The following GLB1L2 variants were observed in gnomAD, a reference collection of about 807,000 sequenced individuals.
The protein encoded by GLB1L2 is galactosidase beta 1 like 2, also known as beta-galactosidase-1-like protein 2.
GLB1L2 carries 68 observed loss-of-function variants against 84.1 expected under a neutral mutation model. That is an observed-to-expected ratio of 0.81 (90% CI 0.67 to 0.99). The LOEUF (loss-of-function observed/expected upper bound fraction) is 0.99, where lower values mean the gene tolerates loss of function less well. Ranked by LOEUF, GLB1L2 falls within the 50% of genes least tolerant of loss-of-function variation. The probability of loss-of-function intolerance (pLI) is 0.00; values close to 1 mark genes in which losing one functional copy is unlikely to be tolerated. For missense variants in GLB1L2, 762 were observed against 805.6 expected (o/e 0.95, Z 0.66); for synonymous variants, 290 against 318.0 (o/e 0.91, Z 0.94).
chr11:134,371,081 A>G lies in GLB1L2; in HGVS notation c.1289A>G (p.Tyr430Cys). 1 of 1,614,194 alleles carries G rather than the reference A, an allele frequency of 6.2e-7. No homozygotes were observed. The highest frequency in any genetic ancestry group is 1.1e-5 in the South Asian group (1 of 91,080). ...VNGGNGQSFG[Y>C]ILYETSITSS... is the part of the protein sequence containing the mutation. ...GGGGGAAATGGACAGTCCTTCGGGTACATTCTCTATGAGACCAGCATCACC... is the reference window on the plus strand; with the variant it reads ...GGGGGAAATGGACAGTCCTTCGGGTGCATTCTCTATGAGACCAGCATCACC... The change falls in exon 13 of 19, where the codon TAC becomes TGC. Residue 430 changes from tyrosine to cysteine, a missense_variant. Tyr to Cys is a radical substitution (Grantham distance 194). Transcript: ENST00000535456.
chr11:134,373,754 C>T lies in GLB1L2; in HGVS notation c.1541C>T (p.Pro514Leu). ...GGAAATCTCTATCTGAATGATTCAC[C>T]CCTGAAAAACTTCAGAATCTATAGC... ...LIGNLYLNDS[P>L]LKNFRIYSLD... Residue 514 changes from proline to leucine, a missense_variant, in exon 16 of 19, where the codon CCC becomes CTC. Physicochemically the swap from Pro to Leu is moderately conservative, Grantham distance 98 (BLOSUM62 -3). Around this residue, in one of 3 missense-constraint regions of GLB1L2, gnomAD observed 603 missense variants for 611.7 expected, o/e 0.99. Transcript: ENST00000535456. The T allele has an allele frequency of 1.2e-6, 2 of 1,613,108 alleles. No individual in the cohort carries two copies. Among genetic ancestry groups the T allele is most frequent in the Non-Finnish European group, 1.7e-6 (2 of 1,179,162 alleles).
Position 134,370,520 on chromosome 11 carries a change from G to C in GLB1L2, c.1215+121G>C, listed in dbSNP as rs1943937726. Reference sequence around the variant, plus strand: ...AGAGTCGTCGGGGCAGCAGGGCCTGGAGCCCCTCCAGACAGGGAGTGTGGG... The same window carrying C: ...AGAGTCGTCGGGGCAGCAGGGCCTGCAGCCCCTCCAGACAGGGAGTGTGGG... On this transcript the variant is annotated intron_variant, in intron 12 of 18. Coordinates refer to ENST00000535456, the MANE Select transcript of GLB1L2 (RefSeq NM_001370461.1). This position sits in a 1 kb window ranked among gnomAD's most constrained non-coding sequence, Gnocchi z 4.7. The C allele has an allele frequency of 9.5e-6, 7 of 738,322 alleles. No individual in the cohort carries two copies. The highest frequency in any genetic ancestry group is 1.6e-5 in the Non-Finnish European group (7 of 429,084). 45.7% of individuals were successfully genotyped at this position (738,322 alleles called of 1,614,324 possible). A position where few individuals can be genotyped will look rare whatever the true frequency, so the allele number is the denominator to read the frequency against.
At position 134,339,348 on chromosome 11, in the gene GLB1L2, T is replaced by C. The variant is rs1294156338; in HGVS notation, c.87-3406T>C. Among the ~76,000 whole-genome samples, 1 of 152,222 alleles carries C rather than the reference T, an allele frequency of 6.6e-6. No individual in the cohort carries two copies. Among genetic ancestry groups the C allele is most frequent in the African/African-American group, 2.4e-5 (1 of 41,454 alleles). On this transcript the variant is annotated intron_variant, in intron 1 of 18. Coordinates refer to ENST00000535456, the MANE Select transcript of GLB1L2 (RefSeq NM_001370461.1). The surrounding 1 kb of genome is among the most constrained non-coding windows in gnomAD (Gnocchi z 5.7). The stretch of plus-strand genomic sequence containing the variant: ...TGATCATTATCAGTGTTAATAGCCA[T>C]TTACATGATGCTTCGTTGTTTATGA...
chr11:134,357,885 G>A (rs959745256), intron 6 of GLB1L2, among the ~76,000 whole-genome samples: 5 of 152,304 alleles, frequency 3.3e-5, no homozygotes, highest in Admixed American at 1.3e-4. Context: ...GGGTGGAGTC[G>A]GTAAATGAAT....
In GLB1L2 at chr11:134,368,922, A is replaced by C; in HGVS notation, c.1027+141A>C. The C allele has an allele frequency of 1.2e-5, 10 of 859,884 alleles. No individual in the cohort carries two copies. In the South Asian group the frequency reaches 1.7e-4, roughly 15 times the overall value. The allele number at this position is 859,884 out of a possible 1,614,324, so 53.3% of individuals were successfully genotyped here. A position where few individuals can be genotyped will look rare whatever the true frequency, so the allele number is the denominator to read the frequency against. On this transcript the variant is annotated intron_variant, in intron 10 of 18. Coordinates refer to ENST00000535456, the MANE Select transcript of GLB1L2 (RefSeq NM_001370461.1). The stretch of plus-strand genomic sequence containing the variant: ...GTACCTGGAGAAGGTACTTGCCTGG[A>C]CAGTCATGTTACACTCCCAGAGGAG...
intron 9 of GLB1L2, among the ~76,000 whole-genome samples, chr11:134,367,704 C>T (rs1000305278): frequency 2.6e-5 from 4 of 152,202 alleles, no homozygotes; most frequent in African/African-American, 9.7e-5. Context: ...TCTATACGCA[C>T]ACACAGATAG....
At chr11:134,358,137 C>T (rs1009129712) in intron 6 of GLB1L2, among the ~76,000 whole-genome samples, 6 of 152,214 alleles carry the variant, frequency 3.9e-5, no homozygotes, top group African/African-American at 1.4e-4. Flanking sequence ...GCTGTCTATC[C>T]ACTTCCAAAA....
Position 134,373,584 on chromosome 11 carries a change from C to G in GLB1L2, c.1508-137C>G, listed in dbSNP as rs533193614. 9.0e-6 allele frequency: 6 copies of G among 667,396 alleles called. No homozygotes were observed. The East Asian group carries it at 1.5e-4, about 17-fold the overall frequency. The allele number at this position is 667,396 out of a possible 1,614,324, so 41.3% of individuals were successfully genotyped here. On this transcript the variant is annotated intron_variant, in intron 15 of 18. Transcript: ENST00000535456. The stretch of plus-strand genomic sequence containing the variant: ...CCCAGGGAGCGTACACTTCAGTACC[C>G]CTCACCCCAGCTTCTCAGGGAGCGT...
rs542571685 is a variant in GLB1L2, at chr11:134,347,182, A to G, written c.450-143A>G. On this transcript the variant is annotated intron_variant, in intron 4 of 18. Coordinates refer to ENST00000535456, the MANE Select transcript of GLB1L2 (RefSeq NM_001370461.1). ...CAGAATCGGTTTGCATTGTCTCCCC[A>G]CTTCTGGGCTCAGTGGGGTGGAGGA... 2.6e-5 allele frequency: 18 copies of G among 697,022 alleles called. No homozygotes were observed. The Middle Eastern group carries it at 1.4e-3, about 53-fold the overall frequency. 43.2% of individuals were successfully genotyped at this position (697,022 alleles called of 1,614,324 possible).
intron 7 of GLB1L2, among the ~76,000 whole-genome samples, chr11:134,361,962 T>G (rs1943798153): frequency 1.3e-5 from 2 of 152,158 alleles, no homozygotes; most frequent in South Asian, 4.1e-4. Flanking sequence ...CTTCTCGTGC[T>G]GCTGCGCATC....
Position 134,370,731 on chromosome 11 carries a change from G to T in GLB1L2, c.1216-277G>T, listed in dbSNP as rs1244202709. ...AGGAGAGTGAGGGGCAGAGGAACAG[G>T]CCGTCCCCTCCCCAAGAAGGGGGTG... On this transcript the variant is annotated intron_variant, in intron 12 of 18. Coordinates refer to ENST00000535456, the MANE Select transcript of GLB1L2 (RefSeq NM_001370461.1). The surrounding 1 kb of genome is among the most constrained non-coding windows in gnomAD (Gnocchi z 4.7). 6.6e-6 allele frequency among the ~76,000 whole-genome samples: 1 copy of T among 152,172 alleles called. No individual in the cohort carries two copies. Among genetic ancestry groups the T allele is most frequent in the East Asian group, 1.9e-4 (1 of 5,172 alleles).
intron 5 of GLB1L2, among the ~76,000 whole-genome samples, chr11:134,349,489 T>C (rs950000334): frequency 6.6e-6 from 1 of 152,248 alleles, no homozygotes; most frequent in Non-Finnish European, 1.5e-5. Flanking sequence ...CTTGTCATTC[T>C]ACATTCAGTT....
chr11:134,373,502 C>T (rs1432283433), intron 15 of GLB1L2, among the ~76,000 whole-genome samples: 2 of 152,260 alleles, frequency 1.3e-5, no homozygotes, highest in Non-Finnish European at 2.9e-5. Context: ...TTAGGGTCTT[C>T]CTCCTTCCCG....
At chr11:134,359,028 G>A in intron 6 of GLB1L2, 32 bp from the exon 7 acceptor site, 1 of 1,519,324 alleles carries the variant, frequency 6.6e-7, no homozygotes, top group Non-Finnish European at 8.9e-7. Flanking sequence ...AGGAGCCAGG[G>A]CAGACGAGGG....
In GLB1L2 at chr11:134,338,031, T is replaced by C. The variant is rs1354106227; in HGVS notation, c.87-4723T>C. Among the ~76,000 whole-genome samples, 1 of 152,246 alleles carries C rather than the reference T, an allele frequency of 6.6e-6. No homozygotes were observed. The highest frequency in any genetic ancestry group is 1.5e-5 in the Non-Finnish European group (1 of 68,034). On this transcript the variant is annotated intron_variant, in intron 1 of 18. Transcript: ENST00000535456. The surrounding 1 kb of genome is among the most constrained non-coding windows in gnomAD (Gnocchi z 6.2). ...ATCGAAGGACAATGATTGCAGTTCC[T>C]GACTCAGATACCAGCTTGCGTATGC...
rs1169608659 is a variant in GLB1L2, at chr11:134,370,209, T to C, written c.1109-84T>C. ...TGCTGGGACGCAGGAGCACATCGGGTCTGTGGATGGGAGCCGGGTGGGGAG... is the reference window on the plus strand; with the variant it reads ...TGCTGGGACGCAGGAGCACATCGGGCCTGTGGATGGGAGCCGGGTGGGGAG... On this transcript the variant is annotated intron_variant, in intron 11 of 18. Transcript: ENST00000535456. This position sits in a 1 kb window ranked among gnomAD's most constrained non-coding sequence, Gnocchi z 4.7. 8 of 1,120,896 alleles carry C rather than the reference T, an allele frequency of 7.1e-6. No homozygotes were observed. Among genetic ancestry groups the C allele is most frequent in the Non-Finnish European group, 1.1e-5 (8 of 736,150 alleles). 69.4% of individuals were successfully genotyped at this position (1,120,896 alleles called of 1,614,324 possible).
At chr11:134,345,566 G>A (rs767432853) in intron 4 of GLB1L2, among the ~76,000 whole-genome samples, 70 of 152,354 alleles carry the variant, frequency 4.6e-4, no homozygotes, top group Non-Finnish European at 5.3e-4. Flanking sequence ...CGCCTCCCGG[G>A]TTCAAGCGAT....
intron 9 of GLB1L2, among the ~76,000 whole-genome samples, chr11:134,367,661 G>A (rs999204337): frequency 4.6e-5 from 7 of 152,156 alleles, no homozygotes; most frequent in South Asian, 2.1e-4. Context: ...TGTTTACCAC[G>A]CAGGCAGTTC....
At position 134,338,783 on chromosome 11, in the gene GLB1L2, G is replaced by A. The variant is rs1943424236; in HGVS notation, c.87-3971G>A. Among the ~76,000 whole-genome samples the A allele has an allele frequency of 6.6e-6, 1 of 152,304 alleles. No individual in the cohort carries two copies. On this transcript the variant is annotated intron_variant, in intron 1 of 18. Coordinates refer to ENST00000535456, the MANE Select transcript of GLB1L2 (RefSeq NM_001370461.1). This position sits in a 1 kb window ranked among gnomAD's most constrained non-coding sequence, Gnocchi z 6.2. ...AAAAGGGAACTGGTGAGGATGGGCT[G>A]TAGAGGTCTTGTTAGGTTGTGCGCG...
Sources: gnomAD v4.1 joint callset for allele counts (sites outside exome capture counted in the v4.1 genomes callset) on GRCh38, gnomAD v4.1.1 for gene constraint, gnomAD v4.1.1 regional missense constraint, Gnocchi (gnomAD v3.1) non-coding constraint, MANE v1.5 for transcripts, NCBI Gene and HGNC (gene_info 2026-07-23, HGNC 2026-07-21) for gene names.